The following GLI3 variants were observed in gnomAD, a reference collection of about 807,000 sequenced individuals.
GLI3 encodes the protein transcription activator GLI3.
In GLI3, 20 loss-of-function variants were observed where a neutral mutation model predicts 100.8. The ratio of observed to expected loss-of-function variants is 0.20; its 90% CI spans 0.14 to 0.29. The LOEUF is 0.29. GLI3 is among the 10% of genes least tolerant of loss of function. GLI3 has a pLI of 1.00. For synonymous variants in GLI3, 938 were observed against 860.5 expected (o/e 1.09, Z -1.58); for missense variants, 2,040 against 2,128.5 (o/e 0.96, Z 0.82).
chr7:42,139,171 T>C (rs964662422), intron 3 of GLI3, among the ~76,000 whole-genome samples: 10 of 151,848 alleles, frequency 6.6e-5, no homozygotes, highest in African/African-American at 2.2e-4. Context: ...TAAAACTCAA[T>C]GCTTTTTTTT....
At chr7:42,077,372 T>TC in intron 3 of GLI3, among the ~76,000 whole-genome samples, 2 of 108,482 alleles carry the variant, frequency 1.8e-5, no homozygotes, top group South Asian at 3.2e-4. Flanking sequence ...ATGTGCTTCT[T>TC]TTTTTTTTTT....
At chr7:42,038,422 G>A (rs1784064786) in intron 7 of GLI3, among the ~76,000 whole-genome samples, 1 of 152,218 alleles carries the variant, frequency 6.6e-6, no homozygotes, top group African/African-American at 2.4e-5. Context: ...CCTGTATAGA[G>A]GGTGTCTTAT....
intron 7 of GLI3, among the ~76,000 whole-genome samples, chr7:42,032,637 C>T (rs1010209141): frequency 6.6e-6 from 1 of 152,090 alleles, no homozygotes; most frequent in African/African-American, 2.4e-5. Context: ...GGTCAGAGCG[C>T]TGGGGATATA....
At chr7:42,137,550 C>G (rs1786459565) in intron 3 of GLI3, among the ~76,000 whole-genome samples, 1 of 152,162 alleles carries the variant, frequency 6.6e-6, no homozygotes, top group Admixed American at 6.5e-5. Flanking sequence ...TGCAAAGACA[C>G]CTCCTGAGCA....
chr7:42,006,484 AG>A (rs1788463755), intron 10 of GLI3, among the ~76,000 whole-genome samples: 2 of 152,208 alleles, frequency 1.3e-5, no homozygotes, highest in Admixed American at 1.3e-4. Context: ...TATTAGACAA[AG>A]TATGAAACAT....
At chr7:42,250,643 G>A (rs572382512) in intron 1 of GLI3, among the ~76,000 whole-genome samples, 1 of 152,284 alleles carries the variant, frequency 6.6e-6, no homozygotes, top group Admixed American at 6.5e-5. Flanking sequence ...CCAATGCACA[G>A]CCTGGTGCAT....
At chr7:41,989,407 C>A (rs1787923142) in intron 10 of GLI3, among the ~76,000 whole-genome samples, 1 of 152,134 alleles carries the variant, frequency 6.6e-6, no homozygotes, top group Non-Finnish European at 1.5e-5. Context: ...ATCCCAATTT[C>A]CTGTTCCACA....
chr7:41,998,432 G>A (rs746089269), intron 10 of GLI3, among the ~76,000 whole-genome samples: 1 of 152,104 alleles, frequency 6.6e-6, no homozygotes, highest in African/African-American at 2.4e-5. Context: ...GGCAGGACAC[G>A]GGATATGTCA....
intron 3 of GLI3, chr7:42,118,294 G>A (rs1313742929): frequency 1.0e-5 from 4 of 398,556 alleles, no homozygotes; most frequent in Non-Finnish European, 1.8e-5. Flanking sequence ...GGACTAAGCA[G>A]TTTTTATTTC....
At chr7:42,090,405 T>TG (rs1474189389) in intron 3 of GLI3, among the ~76,000 whole-genome samples, 2 of 152,226 alleles carry the variant, frequency 1.3e-5, no homozygotes, top group Middle Eastern at 3.2e-3. Flanking sequence ...ATGGGACCAC[T>TG]GTCTTACATG....
intron 2 of GLI3, among the ~76,000 whole-genome samples, chr7:42,165,579 T>C (rs1464418188): frequency 6.6e-6 from 1 of 152,222 alleles, no homozygotes; most frequent in African/African-American, 2.4e-5. Flanking sequence ...CAATTTATCA[T>C]GCCATTAAAT....
chr7:42,234,439 G>C (rs1788750991), intron 1 of GLI3, among the ~76,000 whole-genome samples: 2 of 152,072 alleles, frequency 1.3e-5, no homozygotes, highest in African/African-American at 4.8e-5. Context: ...CCAACTTTTA[G>C]GCTTGCACAT....
intron 4 of GLI3, among the ~76,000 whole-genome samples, chr7:42,048,897 T>C (rs940481937): frequency 5.9e-5 from 9 of 152,184 alleles, no homozygotes; most frequent in African/African-American, 2.2e-4. Flanking sequence ...GCTATGCAAT[T>C]GTTTGGGAAA....
intron 3 of GLI3, among the ~76,000 whole-genome samples, chr7:42,094,523 G>T (rs1441966195): frequency 1.3e-5 from 2 of 151,640 alleles, no homozygotes; most frequent in Non-Finnish European, 2.9e-5. Flanking sequence ...ATCACTTGAG[G>T]TCAGGAGTTC....
intron 1 of GLI3, among the ~76,000 whole-genome samples, chr7:42,233,709 C>T (rs940885296): frequency 6.6e-6 from 1 of 152,178 alleles, no homozygotes; most frequent in Non-Finnish European, 1.5e-5. Context: ...GCAGTACCCC[C>T]TGCCCTGTTG....
At chr7:42,190,926 G>A (rs1180238001) in intron 2 of GLI3, among the ~76,000 whole-genome samples, 1 of 151,728 alleles carries the variant, frequency 6.6e-6, no homozygotes, top group Non-Finnish European at 1.5e-5. Flanking sequence ...TATCATAAAA[G>A]CAAGAGATGA....
intron 7 of GLI3, among the ~76,000 whole-genome samples, chr7:42,031,524 T>C (rs1338972508): frequency 6.6e-6 from 1 of 152,224 alleles, no homozygotes; most frequent in Non-Finnish European, 1.5e-5. Context: ...CCACCCCAGA[T>C]ACAGGTGGCA....
rs1411825727 is a variant in GLI3 at position 42,223,292 on chromosome 7, T to C, written c.-39A>G. 1.1e-5 allele frequency: 17 copies of C among 1,594,928 alleles called. No homozygotes were observed. The highest frequency in any genetic ancestry group is 1.4e-5 in the Non-Finnish European group (16 of 1,167,336). ...TACTTCAGCTCTCTTCGACCAAAAA[T>C]GCCCTAAAGAAAACAACAGAGCCAT... On this transcript the variant is annotated 5_prime_UTR_variant, in exon 2 of 15. Coordinates refer to ENST00000395925, the MANE Select transcript of GLI3 (RefSeq NM_000168.6).
chr7:42,030,635 A>C (rs373555668), intron 7 of GLI3, among the ~76,000 whole-genome samples: 2 of 151,982 alleles, frequency 1.3e-5, no homozygotes, highest in East Asian at 3.9e-4. Context: ...AACCTTCCTA[A>C]ATAGTTCATG....
Sources: allele counts gnomAD v4.1 joint callset (sites outside exome capture counted in the v4.1 genomes callset), GRCh38; gene constraint gnomAD v4.1.1; transcripts MANE v1.5; gene names NCBI Gene and HGNC (gene_info 2026-07-23, HGNC 2026-07-21).